Variants in MAP6 observed in about 807,000 individuals in gnomAD.
MAP6 encodes microtubule associated protein 6.
Under a neutral mutation model 42.4 loss-of-function variants are expected in MAP6, and 26 were observed. That is an observed-to-expected ratio of 0.61 (90% CI 0.45 to 0.85). MAP6 has a LOEUF of 0.85. Among genes scored for constraint, MAP6 ranks in the 40% least tolerant of loss-of-function variants. The probability of loss-of-function intolerance (pLI) is 0.00; values close to 1 mark genes in which losing one functional copy is unlikely to be tolerated. For synonymous variants in MAP6, 418 were observed against 443.8 expected (o/e 0.94, Z 0.73); for missense variants, 966 against 1,099.0 (o/e 0.88, Z 1.71).
chr11:75,636,386 T>G (rs539162907), intron 1 of MAP6, among the ~76,000 whole-genome samples: 2 of 152,214 alleles, frequency 1.3e-5, no homozygotes, highest in African/African-American at 2.4e-5. Context: ...AGTGCTTCTC[T>G]TTTGTTACAG....
At chr11:75,595,442 C>G (rs1295690959) in intron 3 of MAP6, among the ~76,000 whole-genome samples, 1 of 152,238 alleles carries the variant, frequency 6.6e-6, no homozygotes, top group Non-Finnish European at 1.5e-5. Flanking sequence ...TCCAACTGCC[C>G]TCCTTACAAT....
At chr11:75,624,404 C>G (rs1175667212) in intron 1 of MAP6, among the ~76,000 whole-genome samples, 1 of 152,122 alleles carries the variant, frequency 6.6e-6, no homozygotes, top group Admixed American at 6.5e-5. Context: ...GTGGGCGGCA[C>G]TTACATGCAC....
chr11:75,629,808 T>C (rs1247869237), intron 1 of MAP6, among the ~76,000 whole-genome samples: 2 of 152,070 alleles, frequency 1.3e-5, no homozygotes, highest in Non-Finnish European at 2.9e-5. Flanking sequence ...AGTGAGGGCA[T>C]TGCCGGGAGG....
chr11:75,658,308 C>A (rs17134231), intron 1 of MAP6, among the ~76,000 whole-genome samples: 1 of 151,910 alleles, frequency 6.6e-6, no homozygotes, highest in Non-Finnish European at 1.5e-5. Flanking sequence ...CATTCTGTAC[C>A]GAACATCTCC....
chr11:75,667,982 C>T lies in MAP6; in HGVS notation c.388G>A (p.Val130Met). The change falls in exon 1 of 4, where the codon GTG (valine) becomes ATG (methionine). Residue 130 changes from valine (V) to methionine (M), a missense_variant. By Grantham distance (21) the Val-to-Met change is conservative. Coordinates refer to ENST00000304771, the MANE Select transcript of MAP6 (RefSeq NM_033063.2). The surrounding 1 kb of genome is among the most constrained non-coding windows in gnomAD (Gnocchi z 5.6). ...CGGCAGCTGGGCTCGGGCCGCTGCA[C>T]CTTCCAGGCTCGGTAATCCTGCCGC... ...VMRQDYRAWK[V>M]QRPEPSCRPR... 7.8e-7 allele frequency: 1 copy of T among 1,286,294 alleles called. No individual in the cohort carries two copies. Among genetic ancestry groups the T allele is most frequent in the Non-Finnish European group, 9.9e-7 (1 of 1,012,820 alleles). 79.7% of individuals were successfully genotyped at this position (1,286,294 alleles called of 1,614,324 possible). A position where few individuals can be genotyped will look rare whatever the true frequency, so the allele number is the denominator to read the frequency against.
chr11:75,630,947 G>A (rs1943275566), intron 1 of MAP6, among the ~76,000 whole-genome samples: 1 of 152,192 alleles, frequency 6.6e-6, no homozygotes, highest in Admixed American at 6.5e-5. Context: ...ATTTTAACAA[G>A]TTCCTTGGGT....
At chr11:75,657,925 C>A (rs771529703) in intron 1 of MAP6, among the ~76,000 whole-genome samples, 8 of 152,120 alleles carry the variant, frequency 5.3e-5, no homozygotes, top group Non-Finnish European at 1.2e-4. Flanking sequence ...CTTAATGACA[C>A]CTGTAAAATC....
Position 75,667,870 on chromosome 11 carries a change from C to T in MAP6, c.500G>A (p.Arg167His). Residue 167 changes from arginine to histidine, a missense_variant, in exon 1 of 4, where the codon CGC becomes CAC. This residue lies in a region of MAP6 where 943 missense variants were observed against 1,049.9 expected (regional missense o/e 0.90). Transcript: ENST00000304771. This position sits in a 1 kb window ranked among gnomAD's most constrained non-coding sequence, Gnocchi z 5.6. ...GGGGATCCACGGGTGGTCCCCGCGG[C>T]GCGGCAGCGGCCAGGCGCGGAAGTC... ...QKDFRAWPLP[R>H]RGDHPWIPKP... is the part of the protein sequence containing the mutation. The T allele has an allele frequency of 6.9e-7, 1 of 1,444,202 alleles. No homozygotes were observed. Among genetic ancestry groups the T allele is most frequent in the Non-Finnish European group, 9.1e-7 (1 of 1,095,626 alleles). The allele number at this position is 1,444,202 out of a possible 1,614,324, so 89.5% of individuals were successfully genotyped here.
chr11:75,646,746 GC>G (rs953400050), intron 1 of MAP6, among the ~76,000 whole-genome samples: 8 of 151,986 alleles, frequency 5.3e-5, no homozygotes, highest in Non-Finnish European at 2.9e-5. Context: ...GTTGAGGTGA[GC>G]CGAGATGGCA....
intron 1 of MAP6, among the ~76,000 whole-genome samples, chr11:75,657,518 C>A (rs1471871849): frequency 1.3e-5 from 2 of 152,284 alleles, no homozygotes; most frequent in Middle Eastern, 3.4e-3. Flanking sequence ...CTGCAATGCA[C>A]AGGACAGGCC....
intron 1 of MAP6, among the ~76,000 whole-genome samples, chr11:75,613,235 C>T (rs1008760409): frequency 6.6e-6 from 1 of 151,842 alleles, no homozygotes; most frequent in African/African-American, 2.4e-5. Context: ...GATGTCACCT[C>T]CTCCTGAGCC....
chr11:75,659,561 T>C (rs1251960387), intron 1 of MAP6, among the ~76,000 whole-genome samples: 4 of 152,256 alleles, frequency 2.6e-5, no homozygotes, highest in Non-Finnish European at 5.9e-5. Context: ...CTAAGGTTTC[T>C]AGCCTTCTGC....
In MAP6 at chr11:75,624,939, G is replaced by C. The variant is rs191885063; in HGVS notation, c.906-16617C>G. The stretch of plus-strand genomic sequence containing the variant: ...CAACACGCATTGAGGATGCATCCTA[G>C]AGTAACAAAAAGATGTGAACTGGCC... On this transcript the variant is annotated intron_variant, in intron 1 of 3. Coordinates refer to ENST00000304771, the MANE Select transcript of MAP6 (RefSeq NM_033063.2). 4.4e-3 allele frequency among the ~76,000 whole-genome samples: 665 copies of C among 152,270 alleles called. 1 individual carries two copies. Among genetic ancestry groups the C allele is most frequent in the Middle Eastern group, 0.01 (3 of 294 alleles).
chr11:75,619,585 C>T (rs955059946), intron 1 of MAP6, among the ~76,000 whole-genome samples: 4 of 152,152 alleles, frequency 2.6e-5, no homozygotes, highest in Non-Finnish European at 5.9e-5. Flanking sequence ...TTAGCTTCCA[C>T]TTATAAGTGA....
At chr11:75,644,051 T>A (rs572455701) in intron 1 of MAP6, among the ~76,000 whole-genome samples, 2 of 152,206 alleles carry the variant, frequency 1.3e-5, no homozygotes, top group Non-Finnish European at 2.9e-5. Flanking sequence ...TTTTTTGAGG[T>A]CTTTCTCAAG....
intron 1 of MAP6, among the ~76,000 whole-genome samples, chr11:75,608,842 TC>T (rs1942830899): frequency 6.6e-6 from 1 of 152,274 alleles, no homozygotes; most frequent in South Asian, 2.1e-4. Context: ...TGAGGATAAT[TC>T]CCCCATTTGA....
chr11:75,641,477 G>T (rs1943469911), intron 1 of MAP6, among the ~76,000 whole-genome samples: 1 of 142,618 alleles, frequency 7.0e-6, no homozygotes, highest in Non-Finnish European at 1.6e-5. Context: ...AAAACTTAAA[G>T]TATAATAAAA....
intron 1 of MAP6, among the ~76,000 whole-genome samples, chr11:75,644,774 T>G (rs904096747): frequency 1.3e-5 from 2 of 152,214 alleles, no homozygotes; most frequent in Non-Finnish European, 2.9e-5. Flanking sequence ...ATGATTTATA[T>G]AGAAAATCTA....
chr11:75,604,425 A>G (rs558689345), intron 3 of MAP6: 3 of 985,462 alleles, frequency 3.0e-6, no homozygotes, highest in South Asian at 9.4e-5. Context: ...TTGTAAAAGA[A>G]GAGCAAGCCT....
Sources: allele counts gnomAD v4.1 joint callset (sites outside exome capture counted in the v4.1 genomes callset), GRCh38; gene constraint gnomAD v4.1.1; regional missense constraint gnomAD v4.1.1; non-coding constraint Gnocchi (gnomAD v3.1); transcripts MANE v1.5; gene names NCBI Gene and HGNC (gene_info 2026-07-23, HGNC 2026-07-21).